The following LCLAT1 variants were observed in gnomAD, a reference collection of about 807,000 sequenced individuals.
LCLAT1 encodes the protein 1-AGP acyltransferase 8.
LCLAT1 carries 11 observed loss-of-function variants against 30.7 expected under a neutral mutation model. The ratio of observed to expected loss-of-function variants is 0.36; its 90% CI spans 0.23 to 0.59. LCLAT1 has a LOEUF of 0.59. LCLAT1 is among the 20% of genes least tolerant of loss of function. LCLAT1 has a pLI of 0.77. For missense variants in LCLAT1, 402 were observed against 458.6 expected (o/e 0.88, Z 1.13); for synonymous variants, 155 against 151.3 (o/e 1.02, Z -0.18).
chr2:30,641,645 A>G lies in LCLAT1; in HGVS notation c.*1026A>G, dbSNP rs1469272893. ...TTACTCAACCCCTTGTAGCCTTGAC[A>G]AATTTTACCTTAAAACCAAAATGAA... On this transcript the variant is annotated 3_prime_UTR_variant, in exon 6 of 6. Transcript: ENST00000379509. 1.3e-5 allele frequency: 2 copies of G among 152,216 alleles called. No homozygotes were observed. Among genetic ancestry groups the G allele is most frequent in the African/African-American group, 4.8e-5 (2 of 41,448 alleles). 9.4% of individuals were successfully genotyped at this position (152,216 alleles called of 1,614,324 possible). A position where few individuals can be genotyped will look rare whatever the true frequency, so the allele number is the denominator to read the frequency against.
intron 1 of LCLAT1, among the ~76,000 whole-genome samples, chr2:30,455,100 A>G (rs770582620): frequency 2.8e-4 from 43 of 152,206 alleles, no homozygotes; most frequent in Admixed American, 4.6e-4. Flanking sequence ...AATTGGATCC[A>G]GTGGATATAA....
At chr2:30,608,011 G>A (rs183111326) in intron 5 of LCLAT1, among the ~76,000 whole-genome samples, 16 of 151,958 alleles carry the variant, frequency 1.1e-4, no homozygotes, top group African/African-American at 3.4e-4. Flanking sequence ...TGTTTTAAGC[G>A]AAGTGTTATA....
At chr2:30,476,445 T>G in intron 1 of LCLAT1, 1 of 456,644 alleles carries the variant, frequency 2.2e-6, no homozygotes, top group South Asian at 1.5e-5. Flanking sequence ...CCACCTCTGC[T>G]CAGATCCGCC....
At chr2:30,596,170 C>T (rs1445549639) in intron 5 of LCLAT1, among the ~76,000 whole-genome samples, 8 of 152,114 alleles carry the variant, frequency 5.3e-5, no homozygotes, top group Admixed American at 1.3e-4. Context: ...AGTGGGATTG[C>T]TGGGTCAAAT....
chr2:30,600,830 G>GTCTTCCTAGGTCAGGGAAGT (rs1667146986), intron 5 of LCLAT1, among the ~76,000 whole-genome samples: 1 of 152,090 alleles, frequency 6.6e-6, no homozygotes, highest in African/African-American at 2.4e-5. Context: ...ATGTTGGCCC[G>GTCTTCCTAGGTCAGGGAAGT]TCTTCCTAGG....
intron 1 of LCLAT1, among the ~76,000 whole-genome samples, chr2:30,521,407 T>C (rs1221965342): frequency 3.3e-5 from 5 of 151,358 alleles, no homozygotes; most frequent in Non-Finnish European, 5.9e-5. Context: ...GAACTCTCTT[T>C]TGGGGTCTGG....
At chr2:30,636,706 A>G (rs1264026429) in intron 5 of LCLAT1, among the ~76,000 whole-genome samples, 1 of 152,216 alleles carries the variant, frequency 6.6e-6, no homozygotes, top group African/African-American at 2.4e-5. Flanking sequence ...CCTTTACTAT[A>G]GATCATCAAG....
At chr2:30,472,354 G>C (rs1423243495) in intron 1 of LCLAT1, among the ~76,000 whole-genome samples, 1 of 152,070 alleles carries the variant, frequency 6.6e-6, no homozygotes, top group East Asian at 1.9e-4. Flanking sequence ...TTTGTCACTG[G>C]CTTGTAAAAC....
chr2:30,639,410 G>C (rs548606071), intron 5 of LCLAT1, among the ~76,000 whole-genome samples: 1 of 130,392 alleles, frequency 7.7e-6, no homozygotes, highest in East Asian at 2.3e-4. Context: ...TACCCCCTAA[G>C]TTAAATTCAG....
chr2:30,582,555 A>G (rs1434551281), intron 5 of LCLAT1, among the ~76,000 whole-genome samples: 10 of 152,226 alleles, frequency 6.6e-5, no homozygotes, highest in African/African-American at 2.2e-4. Flanking sequence ...TTTGCTTATT[A>G]TGCAGCTTTT....
At chr2:30,517,998 G>A (rs1685271651) in intron 1 of LCLAT1, among the ~76,000 whole-genome samples, 1 of 152,140 alleles carries the variant, frequency 6.6e-6, no homozygotes, top group African/African-American at 2.4e-5. Flanking sequence ...ACCCACAGAT[G>A]GCTCAAATGC....
At chr2:30,594,999 T>G (rs1666866182) in intron 5 of LCLAT1, among the ~76,000 whole-genome samples, 1 of 152,234 alleles carries the variant, frequency 6.6e-6, no homozygotes, top group Non-Finnish European at 1.5e-5. Flanking sequence ...GTTGACTTTA[T>G]TGGTTTTGTC....
intron 5 of LCLAT1, among the ~76,000 whole-genome samples, chr2:30,611,171 T>C (rs1667720205): frequency 6.6e-6 from 1 of 151,720 alleles, no homozygotes; most frequent in Admixed American, 6.6e-5. Context: ...TTTTGGTCCT[T>C]TTATAGTCTT....
chr2:30,596,471 C>A (rs1022392521), intron 5 of LCLAT1, among the ~76,000 whole-genome samples: 2 of 151,454 alleles, frequency 1.3e-5, no homozygotes, highest in Admixed American at 1.3e-4. Context: ...TGTCCCTTGC[C>A]CACTTTTTTA....
chr2:30,553,957 C>T (rs1485608490), intron 3 of LCLAT1, among the ~76,000 whole-genome samples: 1 of 151,926 alleles, frequency 6.6e-6, no homozygotes, highest in Non-Finnish European at 1.5e-5. Flanking sequence ...ATCTGAGTAA[C>T]ACTTTAAACA....
intron 5 of LCLAT1, among the ~76,000 whole-genome samples, chr2:30,594,722 TCTC>T (rs951589430): frequency 4.6e-5 from 7 of 152,278 alleles, no homozygotes; most frequent in Middle Eastern, 3.4e-3. Context: ...TTTTTTCTGT[TCTC>T]CTCTCAGGAG....
At chr2:30,616,159 A>C (rs1013918560) in intron 5 of LCLAT1, among the ~76,000 whole-genome samples, 1 of 152,170 alleles carries the variant, frequency 6.6e-6, no homozygotes, top group African/African-American at 2.4e-5. Flanking sequence ...GTTGAATTGC[A>C]ATGGTAAGTG....
intron 2 of LCLAT1, among the ~76,000 whole-genome samples, chr2:30,526,283 C>T (rs1685716393): frequency 6.6e-6 from 1 of 152,032 alleles, no homozygotes; most frequent in African/African-American, 2.4e-5. Context: ...TCACGTATGT[C>T]ACAAAGGCTC....
intron 1 of LCLAT1, among the ~76,000 whole-genome samples, chr2:30,462,771 C>A (rs553096382): frequency 6.6e-6 from 1 of 152,114 alleles, no homozygotes; most frequent in East Asian, 1.9e-4. Flanking sequence ...TTTTGTGTTA[C>A]GTGAGCTGAT....
Sources: gnomAD v4.1 joint callset for allele counts (sites outside exome capture counted in the v4.1 genomes callset) on GRCh38, gnomAD v4.1.1 for gene constraint, MANE v1.5 for transcripts, NCBI Gene and HGNC (gene_info 2026-07-23, HGNC 2026-07-21) for gene names.